The following DDX52 variants were observed in gnomAD, a reference collection of about 807,000 sequenced individuals.
DDX52 encodes DExD-box helicase 52.
A neutral mutation model predicts 76.1 loss-of-function variants in DDX52; 59 were observed. That is an observed-to-expected ratio of 0.78 (90% confidence interval 0.63 to 0.96). The LOEUF (loss-of-function observed/expected upper bound fraction) is 0.96, where lower values mean the gene tolerates loss of function less well. DDX52 is among the 40% of genes least tolerant of loss of function. The pLI is 0.00. For missense variants in DDX52, 707 were observed against 703.9 expected (o/e 1.00, Z -0.05); for synonymous variants, 231 against 244.1 (o/e 0.95, Z 0.50).
At chr17:37,624,465 A>G (rs775338818) in intron 8 of DDX52, 31 bp from the exon 9 acceptor site, 41 of 1,523,970 alleles carry the variant, frequency 2.7e-5, no homozygotes, top group Non-Finnish European at 3.5e-5. Context: ...GTAGTTTGTA[A>G]GAGTTAATTT....
intron 9 of DDX52, among the ~76,000 whole-genome samples, chr17:37,622,411 A>T (rs1330999989): frequency 6.6e-6 from 1 of 151,762 alleles, no homozygotes; most frequent in African/African-American, 2.4e-5. Context: ...CTCCTGCCTC[A>T]GCCTCCTGAG....
intron 4 of DDX52, chr17:37,631,747 A>T (rs1295225118): frequency 1.4e-5 from 3 of 213,786 alleles, no homozygotes; most frequent in African/African-American, 6.9e-5. Context: ...GTATGAATGA[A>T]TAGAACATAA....
chr17:37,615,606 G>T (rs558727114), intron 14 of DDX52, among the ~76,000 whole-genome samples: 19 of 152,324 alleles, frequency 1.2e-4, no homozygotes, highest in African/African-American at 4.6e-4. Flanking sequence ...CTTGAGCCCA[G>T]GAGGTCGAGG....
rs1162936767 is a variant in DDX52 at position 37,630,306 on chromosome 17, T to C, written c.604-133A>G. ...AATGAATCTAATCTTTCAAGTCATA[T>C]CTGCTTTCCTAACATCATCCATCCA... On this transcript the variant is annotated intron_variant, in intron 4 of 14. Coordinates refer to ENST00000617633, the MANE Select transcript of DDX52 (RefSeq NM_007010.5). 3.9e-6 allele frequency: 4 copies of C among 1,016,638 alleles called. No homozygotes were observed. The East Asian group carries it at 8.1e-5, about 21-fold the overall frequency. 63.0% of individuals were successfully genotyped at this position (1,016,638 alleles called of 1,614,324 possible). A position where few individuals can be genotyped will look rare whatever the true frequency, so the allele number is the denominator to read the frequency against.
chr17:37,618,639 G>A (rs542003311), intron 13 of DDX52, among the ~76,000 whole-genome samples: 1 of 152,056 alleles, frequency 6.6e-6, no homozygotes, highest in African/African-American at 2.4e-5. Context: ...ACACCACCAC[G>A]CCCGGCTAAA....
At chr17:37,627,976 G>A (rs371878363) in intron 6 of DDX52, among the ~76,000 whole-genome samples, 4 of 151,254 alleles carry the variant, frequency 2.6e-5, no homozygotes, top group Admixed American at 6.6e-5. Flanking sequence ...ATGGAGTCTC[G>A]CTATGTTGCC....
At chr17:37,635,715 A>C (rs1041904250) in intron 2 of DDX52, 3 of 441,068 alleles carry the variant, frequency 6.8e-6, no homozygotes, top group Non-Finnish European at 1.4e-5. Flanking sequence ...TCTTAGGTAA[A>C]TATTCCAAGT....
In DDX52 at chr17:37,621,188, A is replaced by G; in HGVS notation, c.1440T>C (p.Gly480=). The part of the protein sequence containing the change: ...ALLARGIDFK[G]VNLVINYDFP... ...AGTCATAGTTGATCACCAAGTTCACACCTTTAAAATCAATCCCTCTTGCTA... is the reference window on the plus strand; with the variant it reads ...AGTCATAGTTGATCACCAAGTTCACGCCTTTAAAATCAATCCCTCTTGCTA... Residue 480 remains glycine (G), a synonymous_variant, in exon 11 of 15, where the codon GGT becomes GGC. Coordinates refer to ENST00000617633, the MANE Select transcript of DDX52 (RefSeq NM_007010.5). The G allele has an allele frequency of 6.2e-7, 1 of 1,614,014 alleles. No homozygotes were observed. The highest frequency in any genetic ancestry group is 2.2e-5 in the East Asian group (1 of 44,872).
At chr17:37,627,595 T>C (rs1454413992) in intron 6 of DDX52, among the ~76,000 whole-genome samples, 1 of 150,602 alleles carries the variant, frequency 6.6e-6, no homozygotes, top group Non-Finnish European at 1.5e-5. Context: ...AAATCTTTTT[T>C]TCCCCCAGGA....
chr17:37,643,399 G>T lies in DDX52; in HGVS notation c.22C>A (p.Arg8Ser), dbSNP rs754145735. 1 of 1,613,960 alleles carries T rather than the reference G, an allele frequency of 6.2e-7. No individual in the cohort carries two copies. The highest frequency in any genetic ancestry group is 2.2e-5 in the East Asian group (1 of 44,856). Residue 8 changes from arginine to serine, a missense_variant, in exon 1 of 15, where the codon CGC (arginine) becomes AGC (serine). Arg to Ser is a moderately radical substitution (Grantham distance 110). Coordinates refer to ENST00000617633, the MANE Select transcript of DDX52 (RefSeq NM_007010.5). Reference protein sequence around the residue: MDVHDLFRRLGAGAKFDT... With the variant: MDVHDLFSRLGAGAKFDT... ...AATTTGGCCCCCGCGCCGAGCCGGC[G>T]AAAGAGATCGTGGACGTCCATCTTT...
chr17:37,629,044 C>G (rs183565783), intron 5 of DDX52, among the ~76,000 whole-genome samples: 110 of 151,834 alleles, frequency 7.2e-4, no homozygotes, highest in African/African-American at 2.6e-3. Context: ...GTGGTAAAAC[C>G]CCATCTCTAC....
At position 37,632,126 on chromosome 17, in the gene DDX52, G is replaced by A. The variant is rs2030709568; in HGVS notation, c.590C>T (p.Pro197Leu). The A allele has an allele frequency of 5.6e-6, 9 of 1,612,944 alleles. No homozygotes were observed. Among genetic ancestry groups the A allele is most frequent in the Non-Finnish European group, 7.6e-6 (9 of 1,179,838 alleles). The change falls in exon 4 of 15, where the codon CCA becomes CTA. Residue 197 changes from proline (P) to leucine (L), a missense_variant. Pro to Leu is a moderately conservative substitution (Grantham distance 98). Transcript: ENST00000617633. ...CTTCATACTCACATGCAGCATAACT[G>A]GGATGGCTTGCATTTGGATTGGCGT... ...MPTPIQMQAI[P>L]VMLHGRELLA...
At chr17:37,619,497 G>A (rs1328459612) in intron 13 of DDX52, among the ~76,000 whole-genome samples, 2 of 152,122 alleles carry the variant, frequency 1.3e-5, no homozygotes, top group African/African-American at 2.4e-5. Flanking sequence ...GAGGCCAGGA[G>A]TTCAAGACTA....
chr17:37,642,343 ACAGAATAC>A, intron 1 of DDX52, 35 bp from the exon 2 acceptor site: 4 of 1,581,554 alleles, frequency 2.5e-6, no homozygotes, highest in Non-Finnish European at 3.4e-6. Flanking sequence ...AAACCTACTG[ACAGAATAC>A]CATTGCTTTC....
intron 2 of DDX52, among the ~76,000 whole-genome samples, chr17:37,637,696 TC>T (rs1291355353): frequency 6.6e-6 from 1 of 151,856 alleles, no homozygotes; most frequent in Non-Finnish European, 1.5e-5. Flanking sequence ...TGCCTCAGCC[TC>T]CCAGGTAGCT....
intron 9 of DDX52, chr17:37,623,943 C>CACTCA (rs1249008263): frequency 6.5e-6 from 1 of 153,464 alleles, no homozygotes; most frequent in Non-Finnish European, 1.4e-5. Flanking sequence ...CAGAAAACCC[C>CACTCA]ACTCAGTGTC....
At chr17:37,618,041 G>C (rs1406580434) in intron 14 of DDX52, among the ~76,000 whole-genome samples, 1 of 152,144 alleles carries the variant, frequency 6.6e-6, no homozygotes, top group Non-Finnish European at 1.5e-5. Flanking sequence ...CTTGAACCCG[G>C]GAGGCAGAGG....
At chr17:37,628,971 G>A (rs1015141054) in intron 5 of DDX52, among the ~76,000 whole-genome samples, 12 of 152,044 alleles carry the variant, frequency 7.9e-5, no homozygotes, top group Non-Finnish European at 1.5e-4. Context: ...TAATCCCAGC[G>A]CTTTGGGAGG....
intron 7 of DDX52, 86 bp downstream of exon 7, chr17:37,626,702 A>C (rs771202450): frequency 7.8e-5 from 109 of 1,389,550 alleles, no homozygotes; most frequent in Non-Finnish European, 9.5e-5. Flanking sequence ...GCAAGCTCCA[A>C]AGACAAAAAA....
Sources: gnomAD v4.1 joint callset for allele counts (sites outside exome capture counted in the v4.1 genomes callset) on GRCh38, gnomAD v4.1.1 for gene constraint, MANE v1.5 for transcripts, NCBI Gene and HGNC (gene_info 2026-07-23, HGNC 2026-07-21) for gene names.